Variants in HECW2 observed in about 807,000 individuals in gnomAD.
HECW2 encodes the protein HECT, C2 and WW domain containing E3 ubiquitin protein ligase 2, also known as E3 ubiquitin-protein ligase HECW2.
Under a neutral mutation model 175.2 loss-of-function variants are expected in HECW2, and 61 were observed. That is an observed-to-expected ratio of 0.35 (90% CI 0.28 to 0.43). The LOEUF (loss-of-function observed/expected upper bound fraction) is 0.43. Among genes scored for constraint, HECW2 ranks in the 20% least tolerant of loss-of-function variants. HECW2 has a pLI of 1.00. For synonymous variants in HECW2, 671 were observed against 731.0 expected, an observed-to-expected ratio of 0.92 and a Z score of 1.32; for missense variants, 1,524 against 2,000.5, an observed-to-expected ratio of 0.76 and a Z score of 4.54.
intron 1 of HECW2, among the ~76,000 whole-genome samples, chr2:196,487,602 G>C (rs1029394937): frequency 6.6e-6 from 1 of 152,108 alleles, no homozygotes; most frequent in African/African-American, 2.4e-5. Flanking sequence ...CCAGCAGAAG[G>C]GGTGCCTCGC....
intron 1 of HECW2, among the ~76,000 whole-genome samples, chr2:196,546,997 CT>C (rs1251983694): frequency 6.6e-6 from 1 of 152,148 alleles, no homozygotes; most frequent in Non-Finnish European, 1.5e-5. Context: ...ATGACAGCCA[CT>C]GTTATGTGAC....
chr2:196,467,906 G>A (rs1409489107), intron 1 of HECW2, among the ~76,000 whole-genome samples: 1 of 152,146 alleles, frequency 6.6e-6, no homozygotes, highest in Non-Finnish European at 1.5e-5. Context: ...TGTCCTTATA[G>A]AATATAGCAA....
At chr2:196,286,207 A>G (rs1690379765) in intron 14 of HECW2, among the ~76,000 whole-genome samples, 1 of 152,136 alleles carries the variant, frequency 6.6e-6, no homozygotes, top group Admixed American at 6.5e-5. Context: ...GGCAAGTGCT[A>G]CAAATCAGCC....
chr2:196,454,423 A>C (rs1158931288), intron 1 of HECW2, among the ~76,000 whole-genome samples: 4 of 152,216 alleles, frequency 2.6e-5, no homozygotes, highest in Admixed American at 2.6e-4. Context: ...TGATGTATAT[A>C]CCATAATTTA....
chr2:196,453,208 TTCTCTGCAA>T (rs1276035095), intron 1 of HECW2, among the ~76,000 whole-genome samples: 2 of 152,124 alleles, frequency 1.3e-5, no homozygotes, highest in East Asian at 1.9e-4. Flanking sequence ...AGAGTTTGGG[TTCTCTGCAA>T]TAAATCAGTA....
intron 28 of HECW2, among the ~76,000 whole-genome samples, chr2:196,207,896 G>A (rs1201886626): frequency 1.3e-5 from 2 of 152,210 alleles, no homozygotes; most frequent in African/African-American, 2.4e-5. Context: ...GTAACTAGCA[G>A]AAGAAACTCT....
chr2:196,504,582 A>C (rs1687690708), intron 1 of HECW2, among the ~76,000 whole-genome samples: 1 of 152,206 alleles, frequency 6.6e-6, no homozygotes, highest in Non-Finnish European at 1.5e-5. Flanking sequence ...TAACAGGTCC[A>C]TGCCAGCCCA....
intron 1 of HECW2, among the ~76,000 whole-genome samples, chr2:196,477,646 ATGAAATC>A (rs1686693818): frequency 6.6e-6 from 1 of 152,214 alleles, no homozygotes; most frequent in East Asian, 1.9e-4. Flanking sequence ...TTTCTTTTAC[ATGAAATC>A]TGAATAAAAC....
Position 196,401,349 on chromosome 2 carries a change from T to G in HECW2, c.292+31783A>C, listed in dbSNP as rs550849086. 7.0e-4 allele frequency among the ~76,000 whole-genome samples: 107 copies of G among 152,338 alleles called. 4 individuals are homozygous for G. The South Asian group carries it at 0.02, about 28-fold the overall frequency. On this transcript the variant is annotated intron_variant, in intron 2 of 28. Transcript: ENST00000644978. Reference sequence around the variant, plus strand: ...ATATTGCAAAGTAGAAGCAACTATTTACAGAAGAATGCATATAACATAATA... The same window carrying G: ...ATATTGCAAAGTAGAAGCAACTATTGACAGAAGAATGCATATAACATAATA...
intron 1 of HECW2, among the ~76,000 whole-genome samples, chr2:196,437,683 T>C (rs139548200): frequency 6.7e-6 from 1 of 150,026 alleles, no homozygotes; most frequent in Non-Finnish European, 1.5e-5. Context: ...CAAGCCCCAA[T>C]GTGACACAGA....
chr2:196,298,701 A>G (rs1425797583), intron 13 of HECW2, among the ~76,000 whole-genome samples: 1 of 152,078 alleles, frequency 6.6e-6, no homozygotes, highest in Non-Finnish European at 1.5e-5. Context: ...CCTGTGTCCA[A>G]GTGTTCTTCT....
chr2:196,290,098 C>G (rs1477040559), intron 14 of HECW2: 1 of 152,230 alleles, frequency 6.6e-6, no homozygotes, highest in Non-Finnish European at 1.5e-5. Flanking sequence ...TCACCCCAAA[C>G]AGGATTCTAA....
At position 196,410,993 on chromosome 2, in the gene HECW2, G is replaced by A. The variant is rs954883492; in HGVS notation, c.292+22139C>T. Among the ~76,000 whole-genome samples, 28 of 151,906 alleles carry A rather than the reference G, an allele frequency of 1.8e-4. 1 individual carries two copies. Among genetic ancestry groups the A allele is most frequent in the Admixed American group, 1.6e-3 (24 of 15,232 alleles). ...AATGCAATGGCTCAGCTAGAGACAGGAGCTTTTTGTTTTGTTTTGTTTTGA... is the reference window on the plus strand; with the variant it reads ...AATGCAATGGCTCAGCTAGAGACAGAAGCTTTTTGTTTTGTTTTGTTTTGA... On this transcript the variant is annotated intron_variant, in intron 2 of 28. Coordinates refer to ENST00000644978, the MANE Select transcript of HECW2 (RefSeq NM_001348768.2).
At chr2:196,543,747 G>A (rs1689307299) in intron 1 of HECW2, among the ~76,000 whole-genome samples, 1 of 152,138 alleles carries the variant, frequency 6.6e-6, no homozygotes, top group Admixed American at 6.5e-5. Flanking sequence ...CGAGTAGCTG[G>A]CATTACAGGC....
chr2:196,220,082 T>C lies in HECW2; in HGVS notation c.4365A>G (p.Glu1455=), dbSNP rs767174245. ...ELELVIAGTA[E]IDLSDWRNNT... ...TGTTTCTCCAATCACTTAGGTCTAT[T>C]TCAGCTGTGCCTGCGATGACCAATT... The change falls in exon 26 of 29, where the codon GAA becomes GAG. Residue 1455 remains glutamate (E), a synonymous_variant. Coordinates refer to ENST00000644978, the MANE Select transcript of HECW2 (RefSeq NM_001348768.2). 1.9e-6 allele frequency: 3 copies of C among 1,613,582 alleles called. No homozygotes were observed. The highest frequency in any genetic ancestry group is 1.7e-6 in the Non-Finnish European group (2 of 1,179,692).
chr2:196,420,366 G>A (rs1330780943), intron 2 of HECW2, among the ~76,000 whole-genome samples: 1 of 152,182 alleles, frequency 6.6e-6, no homozygotes, highest in Non-Finnish European at 1.5e-5. Flanking sequence ...TAATGACTTT[G>A]ATAGTTATCA....
At chr2:196,437,024 T>C (rs1374523201) in intron 1 of HECW2, among the ~76,000 whole-genome samples, 1 of 152,172 alleles carries the variant, frequency 6.6e-6, no homozygotes, top group Non-Finnish European at 1.5e-5. Flanking sequence ...CCTCAGAATA[T>C]TGTAAATTAA....
At chr2:196,587,691 GA>G (rs1691034301) in intron 1 of HECW2, among the ~76,000 whole-genome samples, 1 of 152,162 alleles carries the variant, frequency 6.6e-6, no homozygotes, top group Admixed American at 6.5e-5. Context: ...TAACAAACAT[GA>G]AGTGGACCAT....
chr2:196,215,146 C>T (rs1013438200), intron 28 of HECW2, among the ~76,000 whole-genome samples: 1 of 152,178 alleles, frequency 6.6e-6, no homozygotes, highest in African/African-American at 2.4e-5. Flanking sequence ...TGCTCCTTTT[C>T]TGTTGCTCCA....
Sources: gnomAD v4.1 joint callset for allele counts (sites outside exome capture counted in the v4.1 genomes callset) on GRCh38, gnomAD v4.1.1 for gene constraint, MANE v1.5 for transcripts, NCBI Gene and HGNC (gene_info 2026-07-23, HGNC 2026-07-21) for gene names.